The following MTERF1 variants were observed in gnomAD, a reference collection of about 807,000 sequenced individuals.
The protein encoded by MTERF1 is mitochondrial transcription termination factor 1, also known as transcription termination factor 1, mitochondrial.
MTERF1 carries 29 observed loss-of-function variants against 31.6 expected under a neutral mutation model. The ratio of observed to expected loss-of-function variants is 0.92; its 90% CI spans 0.68 to 1.25. MTERF1 has a LOEUF of 1.25. Ranked by LOEUF, MTERF1 falls within the 50% of genes most tolerant of loss-of-function variation. The pLI is 0.00. For synonymous variants in MTERF1, 152 were observed against 164.1 expected (o/e 0.93, Z 0.57); for missense variants, 500 against 469.1 (o/e 1.07, Z -0.61).
At chr7:91,879,154 A>G (rs536891731) in intron 2 of MTERF1, among the ~76,000 whole-genome samples, 1 of 152,148 alleles carries the variant, frequency 6.6e-6, no homozygotes, top group South Asian at 2.1e-4. Context: ...TAAAAAAAGA[A>G]AATAGAAGAA....
intron 2 of MTERF1, among the ~76,000 whole-genome samples, chr7:91,878,450 G>A (rs1225482318): frequency 1.3e-5 from 2 of 152,148 alleles, no homozygotes. Context: ...CTCAAATATT[G>A]TTAATGGACC....
At chr7:91,874,821 AC>A in intron 2 of MTERF1, 57 bp from the exon 3 acceptor site, 1 of 1,234,492 alleles carries the variant, frequency 8.1e-7, no homozygotes, top group Non-Finnish European at 1.1e-6. Flanking sequence ...CAACTAAATG[AC>A]CATATTACAA....
intron 2 of MTERF1, among the ~76,000 whole-genome samples, chr7:91,875,275 G>A (rs930241670): frequency 1.3e-5 from 2 of 151,336 alleles, no homozygotes; most frequent in Non-Finnish European, 2.9e-5. Flanking sequence ...TTTGACACAG[G>A]GTCTCACTCT....
intron 2 of MTERF1, among the ~76,000 whole-genome samples, chr7:91,875,401 C>T (rs1789323201): frequency 6.6e-6 from 1 of 152,044 alleles, no homozygotes; most frequent in African/African-American, 2.4e-5. Flanking sequence ...CAGGAATGCC[C>T]CACACGCCCA....
At chr7:91,877,394 C>T (rs1413964218) in intron 2 of MTERF1, among the ~76,000 whole-genome samples, 1 of 152,174 alleles carries the variant, frequency 6.6e-6, no homozygotes, top group African/African-American at 2.4e-5. Context: ...TTGTGTATAA[C>T]TCATCCTCCA....
chr7:91,875,923 A>T (rs1199670333), intron 2 of MTERF1, among the ~76,000 whole-genome samples: 1 of 152,238 alleles, frequency 6.6e-6, no homozygotes, highest in African/African-American at 2.4e-5. Flanking sequence ...TTGTGATATT[A>T]AATCCACATG....
At chr7:91,877,888 C>A (rs1194826589) in intron 2 of MTERF1, among the ~76,000 whole-genome samples, 1 of 152,210 alleles carries the variant, frequency 6.6e-6, no homozygotes. Flanking sequence ...CTTCTAACTA[C>A]CTTTCTAGCT....
At position 91,880,043 on chromosome 7, in the gene MTERF1, T is replaced by A. The variant is rs767930848; in HGVS notation, c.29+12A>T. 18 of 1,613,906 alleles carry A rather than the reference T, an allele frequency of 1.1e-5. No individual in the cohort carries two copies. In the African/African-American group the frequency reaches 2.1e-4, roughly 19 times the overall value. ...CAAGCTAAGTTTGGAGATCTTTACA[T>A]GCATTTCTCACCTTGTTTGTCCTAA... On this transcript the variant is annotated intron_variant, in intron 2 of 2. Coordinates refer to ENST00000351870, the MANE Select transcript of MTERF1 (RefSeq NM_006980.5).
At chr7:91,878,929 G>T (rs1303951924) in intron 2 of MTERF1, among the ~76,000 whole-genome samples, 1 of 152,046 alleles carries the variant, frequency 6.6e-6, no homozygotes, top group East Asian at 1.9e-4. Context: ...TTGAGATGTT[G>T]GCCAGGAGTT....
chr7:91,876,398 A>T (rs117983333), intron 2 of MTERF1, among the ~76,000 whole-genome samples: 1 of 152,334 alleles, frequency 6.6e-6, no homozygotes, highest in East Asian at 1.9e-4. Context: ...ATGGGCTCTT[A>T]CTTAGAAAAG....
chr7:91,877,499 C>T (rs1789374717), intron 2 of MTERF1, among the ~76,000 whole-genome samples: 2 of 152,194 alleles, frequency 1.3e-5, no homozygotes, highest in African/African-American at 4.8e-5. Context: ...ATATCATTAT[C>T]ACAATCACTA....
At chr7:91,875,325 G>A (rs187133471) in intron 2 of MTERF1, among the ~76,000 whole-genome samples, 2 of 151,978 alleles carry the variant, frequency 1.3e-5, no homozygotes, top group South Asian at 2.1e-4. Flanking sequence ...ATCATGGCTC[G>A]TTGCAGCCTC....
chr7:91,878,969 C>T (rs1000647958), intron 2 of MTERF1, among the ~76,000 whole-genome samples: 9 of 152,042 alleles, frequency 5.9e-5, no homozygotes, highest in African/African-American at 2.2e-4. Flanking sequence ...ATGACGAAAC[C>T]CCATCTCTAC....
At chr7:91,878,802 C>A (rs981643555) in intron 2 of MTERF1, among the ~76,000 whole-genome samples, 14 of 151,972 alleles carry the variant, frequency 9.2e-5, no homozygotes, top group African/African-American at 3.4e-4. Flanking sequence ...GCCACTGCAC[C>A]CCAGCCTGGA....
chr7:91,874,084 ATCTT>A lies in MTERF1; in HGVS notation c.706_709del (p.Lys236Ter), dbSNP rs754977030. 5 of 1,614,134 alleles carry A rather than the reference ATCTT, an allele frequency of 3.1e-6. No individual in the cohort carries two copies. In the Admixed American group the frequency reaches 6.7e-5, roughly 22 times the overall value. On this transcript the variant is annotated frameshift_variant, in exon 3 of 3. Transcript: ENST00000351870. LOFTEE classifies it high-confidence loss of function. ...TAAGATAAAAGGGTTTTTAAAAATT[ATCTT>A]TCTGACAAAATCTGCGGGATCATTG...
chr7:91,874,812 A>C (rs769207421), intron 2 of MTERF1, 48 bp from the exon 3 acceptor site: 3 of 1,330,652 alleles, frequency 2.3e-6, no homozygotes, highest in Non-Finnish European at 3.1e-6. Flanking sequence ...TGTGTTAAAC[A>C]ACTAAATGAC....
At chr7:91,875,151 A>G (rs1424259171) in intron 2 of MTERF1, among the ~76,000 whole-genome samples, 1 of 152,144 alleles carries the variant, frequency 6.6e-6, no homozygotes, top group Non-Finnish European at 1.5e-5. Flanking sequence ...GTGCCCCAGA[A>G]TTGTTCTTGC....
rs993412905 is a variant in MTERF1 at position 91,873,919 on chromosome 7, C to T, written c.875G>A (p.Ser292Asn). 16 of 1,613,910 alleles carry T rather than the reference C, an allele frequency of 9.9e-6. No homozygotes were observed. The highest frequency in any genetic ancestry group is 8.3e-5 in the Admixed American group (5 of 59,962). Residue 292 changes from serine to asparagine, a missense_variant, in exon 3 of 3, where the codon AGC (serine) becomes AAC (asparagine). Physicochemically the swap from Ser to Asn is conservative, Grantham distance 46. Transcript: ENST00000351870. The part of the protein sequence containing the change: ...LDLSNDYARR[S>N]YANIKEKLFS... ...CAGCTTCTCTTTGATGTTTGCGTAG[C>T]TTCTTCTGGCATAGTCATTGGAAAG...
chr7:91,876,866 T>C (rs987112953), intron 2 of MTERF1: 1 of 970,716 alleles, frequency 1.0e-6, no homozygotes. Context: ...AACTGAAGAA[T>C]GACGGCTCTA....
Sources: allele counts gnomAD v4.1 joint callset (sites outside exome capture counted in the v4.1 genomes callset), GRCh38; gene constraint gnomAD v4.1.1; transcripts MANE v1.5; gene names NCBI Gene and HGNC (gene_info 2026-07-23, HGNC 2026-07-21).